EML1: variants seen among roughly 807,000 people sequenced by gnomAD.
EML1 encodes the protein echinoderm microtubule-associated protein-like 1.
A neutral mutation model predicts 110.4 loss-of-function variants in EML1; 27 were observed. The observed-to-expected ratio is 0.24, with a 90% CI of 0.18 to 0.34. The LOEUF (loss-of-function observed/expected upper bound fraction) is 0.34. Among genes scored for constraint, EML1 ranks in the 10% least tolerant of loss-of-function variants. The pLI, the probability that EML1 is intolerant of heterozygous loss-of-function variation, is 1.00. For missense variants in EML1, 741 were observed against 1,030.9 expected, an observed-to-expected ratio of 0.72 and a Z score of 3.85; for synonymous variants, 344 against 385.8, an observed-to-expected ratio of 0.89 and a Z score of 1.27.
At chr14:99,846,281 A>ATTTT (rs1251744096) in intron 1 of EML1, among the ~76,000 whole-genome samples, 20,855 of 109,770 alleles carry the variant, frequency 0.19, 2,817 homozygotes, top group Non-Finnish European at 0.28. Flanking sequence ...CCAGCTGGTG[A>ATTTT]TTTTTTTTTT....
chr14:99,909,323 C>T (rs753182495), intron 10 of EML1, 22 bp from the exon 11 acceptor site: 7 of 1,613,966 alleles, frequency 4.3e-6, no homozygotes, highest in African/African-American at 4.0e-5. Context: ...GTGAGGCATC[C>T]GAGTCCCTGT....
At chr14:99,862,912 CAT>C (rs1193560984) in intron 2 of EML1, among the ~76,000 whole-genome samples, 1 of 152,174 alleles carries the variant, frequency 6.6e-6, no homozygotes, top group Non-Finnish European at 1.5e-5. Flanking sequence ...AGCTCAGAAA[CAT>C]GTGTTTATAC....
At chr14:99,911,666 T>G in intron 13 of EML1, 90 bp downstream of exon 13, 1 of 1,448,254 alleles carries the variant, frequency 6.9e-7, no homozygotes, top group Non-Finnish European at 9.2e-7. Flanking sequence ...CTTACAGTTT[T>G]GAAAATTGTT....
At chr14:99,899,725 T>C (rs971309274) in intron 8 of EML1, among the ~76,000 whole-genome samples, 4 of 152,206 alleles carry the variant, frequency 2.6e-5, no homozygotes, top group African/African-American at 9.6e-5. Flanking sequence ...TTTTTTTTTT[T>C]TTAATGTTAA....
At chr14:99,857,281 T>C (rs939649843) in intron 2 of EML1, among the ~76,000 whole-genome samples, 4 of 134,948 alleles carry the variant, frequency 3.0e-5, no homozygotes, top group Non-Finnish European at 4.4e-5. Flanking sequence ...AAAAAAAAAA[T>C]AAATAAATAA....
Position 99,882,649 on chromosome 14 carries a change from T to TA in EML1, c.518+4056dup, listed in dbSNP as rs199622855. Among the ~76,000 whole-genome samples, 105 of 127,764 alleles carry TA rather than the reference T, an allele frequency of 8.2e-4. 1 individual carries two copies. The highest frequency in any genetic ancestry group is 1.2e-3 in the Non-Finnish European group (78 of 62,728). 83.8% of individuals were successfully genotyped at this position (127,764 alleles called of 152,430 possible). A position where few individuals can be genotyped will look rare whatever the true frequency, so the allele number is the denominator to read the frequency against. ...CGAACAATAATGATAGCTGATGAGC[T>TA]AAAAAAAAAAAAAAAAAAAAAAAAA... On this transcript the variant is annotated intron_variant, in intron 4 of 21. Transcript: ENST00000262233.
chr14:99,830,696 A>T (rs1442567638), intron 1 of EML1, among the ~76,000 whole-genome samples: 2 of 151,916 alleles, frequency 1.3e-5, no homozygotes, highest in African/African-American at 4.8e-5. Flanking sequence ...GATTACAGGC[A>T]CCCACCACCG....
Position 99,939,105 on chromosome 14 carries a change from C to A in EML1, c.2192-92C>A. 6.6e-7 allele frequency: 1 copy of A among 1,523,388 alleles called. No homozygotes were observed. The highest frequency in any genetic ancestry group is 1.3e-5 in the South Asian group (1 of 76,496). 94.4% of individuals were successfully genotyped at this position (1,523,388 alleles called of 1,614,324 possible). On this transcript the variant is annotated intron_variant, in intron 20 of 21. Transcript: ENST00000262233. This position sits in a 1 kb window ranked among gnomAD's most constrained non-coding sequence, Gnocchi z 4.2. ...TCTAAAGCTGGACTTCAGGCAGTTT[C>A]ATGTTCAGGACCGTTCAGTGGGCGC...
intron 1 of EML1, among the ~76,000 whole-genome samples, chr14:99,783,212 A>G (rs936578865): frequency 1.7e-4 from 23 of 135,910 alleles, no homozygotes; most frequent in Admixed American, 1.3e-3. Flanking sequence ...TCATTGTTCA[A>G]TTCCCACCTA....
At chr14:99,938,064 G>A in intron 20 of EML1, 152 bp downstream of exon 20, 1 of 733,850 alleles carries the variant, frequency 1.4e-6, no homozygotes, top group Non-Finnish European at 2.3e-6. Flanking sequence ...GCCGCACCCT[G>A]GGGTAGGGCC....
chr14:99,898,416 A>C, intron 8 of EML1, 114 bp downstream of exon 8: 1 of 993,800 alleles, frequency 1.0e-6, no homozygotes, highest in South Asian at 2.0e-5. Context: ...GTATCTGAAA[A>C]CTTCTGAACC....
intron 10 of EML1, among the ~76,000 whole-genome samples, chr14:99,908,349 T>C (rs2059891268): frequency 6.6e-6 from 1 of 152,264 alleles, no homozygotes; most frequent in Admixed American, 6.5e-5. Flanking sequence ...TATTTCTATT[T>C]TCTATTGGAA....
At chr14:99,844,632 A>G (rs1410455886) in intron 1 of EML1, among the ~76,000 whole-genome samples, 1 of 152,198 alleles carries the variant, frequency 6.6e-6, no homozygotes, top group African/African-American at 2.4e-5. Flanking sequence ...TAATGTAACA[A>G]CCACCACTAA....
chr14:99,900,860 T>C (rs1595455671), intron 8 of EML1, 69 bp from the exon 9 acceptor site: 11 of 1,345,150 alleles, frequency 8.2e-6, no homozygotes, highest in African/African-American at 1.4e-5. Context: ...AGTAATCTTG[T>C]AGCTTCAAGG....
chr14:99,775,143 C>A (rs1425261119), intron 1 of EML1, among the ~76,000 whole-genome samples: 1 of 152,198 alleles, frequency 6.6e-6, no homozygotes, highest in Non-Finnish European at 1.5e-5. Context: ...GCATCACAGC[C>A]TTCTTGAAAA....
chr14:99,900,424 C>T (rs978486261), intron 8 of EML1, among the ~76,000 whole-genome samples: 2 of 151,788 alleles, frequency 1.3e-5, no homozygotes, highest in Admixed American at 6.6e-5. Context: ...TGACCTCAGG[C>T]GATCCACCTG....
Position 99,940,255 on chromosome 14 carries a change from G to C in EML1, c.*143G>C, listed in dbSNP as rs2060565720. 8.3e-7 allele frequency: 1 copy of C among 1,199,572 alleles called. No individual in the cohort carries two copies. The highest frequency in any genetic ancestry group is 1.6e-5 in the African/African-American group (1 of 64,014). The allele number at this position is 1,199,572 out of a possible 1,614,324, so 74.3% of individuals were successfully genotyped here. ...GCCCTCCGCCGGCTACCTTAGCTTA[G>C]CGTGTCAGCGGGCGCCACAGCGGAT... On this transcript the variant is annotated 3_prime_UTR_variant, in exon 22 of 22. Coordinates refer to ENST00000262233, the MANE Select transcript of EML1 (RefSeq NM_004434.3).
chr14:99,851,840 T>G (rs1431538571), intron 2 of EML1, among the ~76,000 whole-genome samples: 1 of 152,204 alleles, frequency 6.6e-6, no homozygotes, highest in Non-Finnish European at 1.5e-5. Flanking sequence ...GGCCTCCCTC[T>G]GAGGAGCTCA....
intron 1 of EML1, among the ~76,000 whole-genome samples, chr14:99,845,012 T>C (rs761939797): frequency 2.0e-5 from 3 of 152,222 alleles, no homozygotes; most frequent in Non-Finnish European, 4.4e-5. Context: ...ATGAATATTG[T>C]TCATTTTTCT....
Sources: allele counts gnomAD v4.1 joint callset (sites outside exome capture counted in the v4.1 genomes callset), GRCh38; gene constraint gnomAD v4.1.1; non-coding constraint Gnocchi (gnomAD v3.1); transcripts MANE v1.5; gene names NCBI Gene and HGNC (gene_info 2026-07-23, HGNC 2026-07-21).